Variants in SMAD9 observed in about 807,000 individuals in gnomAD.
SMAD9 encodes MAD homolog 9.
SMAD9 carries 36 observed loss-of-function variants against 46.1 expected under a neutral mutation model. The observed-to-expected ratio is 0.78, with a 90% CI of 0.60 to 1.03. SMAD9 has a LOEUF of 1.03. Ranked by LOEUF, SMAD9 falls within the 50% of genes least tolerant of loss-of-function variation. The probability of loss-of-function intolerance (pLI) is 0.00; values close to 1 mark genes in which losing one functional copy is unlikely to be tolerated. For synonymous variants in SMAD9, 245 were observed against 237.1 expected, an observed-to-expected ratio of 1.03 and a Z score of -0.31; for missense variants, 572 against 599.8, an observed-to-expected ratio of 0.95 and a Z score of 0.48.
At position 36,853,666 on chromosome 13, in the gene SMAD9, A is replaced by C. The variant is rs1489304317; in HGVS notation, c.1013T>G (p.Leu338Trp). 2 of 1,613,984 alleles carry C rather than the reference A, an allele frequency of 1.2e-6. No individual in the cohort carries two copies. Among genetic ancestry groups the C allele is most frequent in the East Asian group, 2.2e-5 (1 of 44,894 alleles). Residue 338 changes from leucine (L) to tryptophan (W), a missense_variant, in exon 6 of 7, where the codon TTG becomes TGG. Coordinates refer to ENST00000379826, the MANE Select transcript of SMAD9 (RefSeq NM_001127217.3). Reference protein sequence around the residue: ...TRRHIGKGVHLYYVGGEVYAE... With the variant: ...TRRHIGKGVHWYYVGGEVYAE... ...ATACACCTCTCCCCCGACGTAGTAC[A>C]AGTGCACACCTGCAGACACAAAAAC...
chr13:36,877,340 A>C (rs926948311), intron 2 of SMAD9, among the ~76,000 whole-genome samples: 4 of 152,202 alleles, frequency 2.6e-5, no homozygotes, highest in Non-Finnish European at 4.4e-5. Context: ...CCGGCCTGCC[A>C]ACAGAGCAAG....
At chr13:36,919,971 C>A (rs1292842992) in intron 1 of SMAD9, 145 bp downstream of exon 1, 1 of 151,512 alleles carries the variant, frequency 6.6e-6, no homozygotes, top group Non-Finnish European at 1.5e-5. Context: ...CTCACACGCA[C>A]GCACACAAGC....
At chr13:36,881,372 T>C (rs1427826558) in intron 1 of SMAD9, among the ~76,000 whole-genome samples, 1 of 152,220 alleles carries the variant, frequency 6.6e-6, no homozygotes, top group Non-Finnish European at 1.5e-5. Context: ...TTGTTTAATA[T>C]GCATTAAATA....
At chr13:36,880,310 T>C (rs2058391890) in intron 1 of SMAD9, among the ~76,000 whole-genome samples, 1 of 152,170 alleles carries the variant, frequency 6.6e-6, no homozygotes, top group Non-Finnish European at 1.5e-5. Context: ...GCTCTTATCA[T>C]TTTCCCATTT....
intron 1 of SMAD9, among the ~76,000 whole-genome samples, chr13:36,908,193 A>T (rs1005493795): frequency 6.6e-6 from 1 of 152,202 alleles, no homozygotes; most frequent in African/African-American, 2.4e-5. Context: ...CTCTAGAGAA[A>T]CCTTTTTTAA....
chr13:36,867,357 CATG>C lies in SMAD9; in HGVS notation c.694_696del (p.His232del). On this transcript the variant is annotated inframe_deletion, in exon 4 of 7. Coordinates refer to ENST00000379826, the MANE Select transcript of SMAD9 (RefSeq NM_001127217.3). ...CTCTGGGTCTCAGAGGCTTCTGTGG[CATG>C]ATAAGGCAGGGGTGGTGTGTCAACT... 2 of 1,550,666 alleles carry C rather than the reference CATG, an allele frequency of 1.3e-6. No individual in the cohort carries two copies. Among genetic ancestry groups the C allele is most frequent in the Non-Finnish European group, 1.7e-6 (2 of 1,146,466 alleles).
chr13:36,870,510 C>A (rs970270415), intron 3 of SMAD9, among the ~76,000 whole-genome samples: 1 of 150,798 alleles, frequency 6.6e-6, no homozygotes, highest in Non-Finnish European at 1.5e-5. Context: ...AACCCCATAT[C>A]CCTGTTTTAG....
rs1208821527 is a variant in SMAD9 at position 36,845,467 on chromosome 13, TG to T, written c.*3208del. ...AAAATAATAAACCAACAACAAAAACTGATCAATGTTCTGGGTCTTGTGAGCA... is the reference window on the plus strand; with the variant it reads ...AAAATAATAAACCAACAACAAAAACTATCAATGTTCTGGGTCTTGTGAGCA... On this transcript the variant is annotated 3_prime_UTR_variant, in exon 7 of 7. Transcript: ENST00000379826. The T allele has an allele frequency of 2.0e-5, 3 of 150,160 alleles. No homozygotes were observed. The highest frequency in any genetic ancestry group is 7.4e-5 in the African/African-American group (3 of 40,290). The allele number at this position is 150,160 out of a possible 1,614,324, so 9.3% of individuals were successfully genotyped here.
In SMAD9 at chr13:36,879,683, A is replaced by T; in HGVS notation, c.7T>A (p.Ser3Thr). 1 of 1,614,014 alleles carries T rather than the reference A, an allele frequency of 6.2e-7. No individual in the cohort carries two copies. ...AAGAGGGAGCTGATGGGGGTGGTGG[A>T]GTGCATAAGAGGCCACAGCAGGCTC... MH[S>T]TTPISSLFSF... Residue 3 changes from serine to threonine, a missense_variant, in exon 2 of 7, where the codon TCC becomes ACC. By Grantham distance (58) the Ser-to-Thr change is moderately conservative (BLOSUM62 1). Transcript: ENST00000379826.
chr13:36,891,198 A>G (rs2058486529), intron 1 of SMAD9, among the ~76,000 whole-genome samples: 2 of 152,082 alleles, frequency 1.3e-5, no homozygotes, highest in South Asian at 4.1e-4. Context: ...AGGAGTAGAG[A>G]TTATTTCTAA....
intron 1 of SMAD9, among the ~76,000 whole-genome samples, chr13:36,883,826 G>A (rs936714678): frequency 2.6e-5 from 4 of 152,170 alleles, no homozygotes; most frequent in Admixed American, 6.5e-5. Flanking sequence ...ATTTTTTGGT[G>A]TGGTATAGTC....
intron 1 of SMAD9, among the ~76,000 whole-genome samples, chr13:36,905,164 C>A (rs1024339807): frequency 6.6e-6 from 1 of 152,114 alleles, no homozygotes; most frequent in Non-Finnish European, 1.5e-5. Context: ...TGTTAAACAT[C>A]CTACAAGTTG....
chr13:36,897,757 T>C (rs1593611414), intron 1 of SMAD9, among the ~76,000 whole-genome samples: 1 of 152,086 alleles, frequency 6.6e-6, no homozygotes, highest in Non-Finnish European at 1.5e-5. Context: ...TCAGTTATAA[T>C]TGCTCAATTC....
rs477432 is a variant in SMAD9, at chr13:36,879,911, G to A, written c.-186-36C>T. ...CGACAAGACTTCAATTAGCTTAATC[G>A]GAGTAACATTCAGAAAAAGTTGAAG... On this transcript the variant is annotated intron_variant, in intron 1 of 6. Coordinates refer to ENST00000379826, the MANE Select transcript of SMAD9 (RefSeq NM_001127217.3). The A allele has an allele frequency of 0.014, 8,282 of 575,356 alleles. 495 individuals are homozygous for A. The highest frequency in any genetic ancestry group is 0.13 in the African/African-American group (6,975 of 53,458). The allele number at this position is 575,356 out of a possible 1,614,324, so 35.6% of individuals were successfully genotyped here.
intron 1 of SMAD9, among the ~76,000 whole-genome samples, chr13:36,908,738 TAAA>T (rs1177661560): frequency 1.3e-5 from 2 of 151,824 alleles, no homozygotes; most frequent in Admixed American, 1.3e-4. Flanking sequence ...GAAGTGAAAA[TAAA>T]AACAAATTAG....
intron 6 of SMAD9, chr13:36,851,987 T>C: frequency 1.0e-6 from 1 of 982,534 alleles, no homozygotes; most frequent in Non-Finnish European, 1.2e-6. Flanking sequence ...AAAAACTGTA[T>C]GATTCAAATG....
At chr13:36,898,025 T>C (rs1007328516) in intron 1 of SMAD9, among the ~76,000 whole-genome samples, 16 of 151,542 alleles carry the variant, frequency 1.1e-4, no homozygotes, top group Non-Finnish European at 1.0e-4. Context: ...CCCAGCTAAT[T>C]TTTTTTGTAT....
At chr13:36,893,072 G>T (rs968558437) in intron 1 of SMAD9, among the ~76,000 whole-genome samples, 1 of 152,126 alleles carries the variant, frequency 6.6e-6, no homozygotes, top group African/African-American at 2.4e-5. Flanking sequence ...GTTGGTTCAA[G>T]AACTGTGGAA....
chr13:36,879,337 C>G lies in SMAD9; in HGVS notation c.353G>C (p.Gly118Ala). The change falls in exon 2 of 7, where the codon GGC becomes GCC. Residue 118 changes from glycine (G) to alanine (A), a missense_variant. By Grantham distance (60) the Gly-to-Ala change is moderately conservative. Coordinates refer to ENST00000379826, the MANE Select transcript of SMAD9 (RefSeq NM_001127217.3). Reference protein sequence around the residue: ...KPLECCEFPFGSKQKEVCINP... With the variant: ...KPLECCEFPFASKQKEVCINP... ...AATGCACACTTCTTTCTGCTTGGAG[C>G]CAAATGGGAACTCACAGCACTCCAG... The G allele has an allele frequency of 6.2e-7, 1 of 1,614,176 alleles. No homozygotes were observed. Among genetic ancestry groups the G allele is most frequent in the East Asian group, 2.2e-5 (1 of 44,880 alleles).
Sources: gnomAD v4.1 joint callset for allele counts (sites outside exome capture counted in the v4.1 genomes callset) on GRCh38, gnomAD v4.1.1 for gene constraint, MANE v1.5 for transcripts, NCBI Gene and HGNC (gene_info 2026-07-23, HGNC 2026-07-21) for gene names.